KAT2B: variants seen among roughly 807,000 people sequenced by gnomAD.
The protein encoded by KAT2B is histone acetyltransferase KAT2B.
In KAT2B, 36 loss-of-function variants were observed where a neutral mutation model predicts 105.9. The ratio of observed to expected loss-of-function variants is 0.34; its 90% CI spans 0.26 to 0.45. The LOEUF is 0.45. Ranked by LOEUF, KAT2B falls within the 20% of genes least tolerant of loss-of-function variation. The pLI is 1.00. For missense variants in KAT2B, 820 were observed against 1,021.6 expected, an observed-to-expected ratio of 0.80 and a Z score of 2.69; for synonymous variants, 397 against 377.9, an observed-to-expected ratio of 1.05 and a Z score of -0.59.
At chr3:20,122,968 C>G (rs956825564) in intron 9 of KAT2B, 164 bp downstream of exon 9, 26 of 984,304 alleles carry the variant, frequency 2.6e-5, no homozygotes, top group Non-Finnish European at 3.1e-5. Flanking sequence ...AACAACTGAT[C>G]AAGAGGTAAT....
At chr3:20,062,134 A>AAATATATAATATATAAT (rs1698129579) in intron 1 of KAT2B, among the ~76,000 whole-genome samples, 1 of 67,530 alleles carries the variant, frequency 1.5e-5, no homozygotes, top group Non-Finnish European at 2.4e-5. Context: ...ATATATATAA[A>AAATATATAATATATAAT]ATATATAATA....
intron 1 of KAT2B, among the ~76,000 whole-genome samples, chr3:20,052,338 C>T (rs151203696): frequency 1.5e-3 from 228 of 152,240 alleles, no homozygotes; most frequent in African/African-American, 5.2e-3. Context: ...CTCCATGAAG[C>T]GGAGATTTGG....
chr3:20,040,536 C>T lies in KAT2B; in HGVS notation c.59C>T (p.Ala20Val), dbSNP rs1386983596. 9.8e-7 allele frequency: 1 copy of T among 1,020,164 alleles called. No homozygotes were observed. The highest frequency in any genetic ancestry group is 1.2e-6 in the Non-Finnish European group (1 of 853,902). The allele number at this position is 1,020,164 out of a possible 1,614,324, so 63.2% of individuals were successfully genotyped here. A position where few individuals can be genotyped will look rare whatever the true frequency, so the allele number is the denominator to read the frequency against. Reference sequence around the variant, plus strand: ...TGCGGGGCAGGAGCCGGGGCAGGGGCCGGGCCCGGGGCGCTGCCCCCGCAG... The same window carrying T: ...TGCGGGGCAGGAGCCGGGGCAGGGGTCGGGCCCGGGGCGCTGCCCCCGCAG... Reference protein sequence around the residue: ...GGCGAGAGAGAGPGALPPQPA... With the variant: ...GGCGAGAGAGVGPGALPPQPA... The change falls in exon 1 of 18, where the codon GCC becomes GTC. Residue 20 changes from alanine to valine, a missense_variant. Physicochemically the swap from Ala to Val is moderately conservative, Grantham distance 64. This residue lies in a region of KAT2B where 190 missense variants were observed against 176.7 expected (regional missense o/e 1.08). Transcript: ENST00000263754.
intron 1 of KAT2B, among the ~76,000 whole-genome samples, chr3:20,042,583 G>A (rs1915921): frequency 0.13 from 19,556 of 152,150 alleles, 1,631 homozygotes; most frequent in Non-Finnish European, 0.19. Context: ...TGGCCTTGGC[G>A]TTTCGCAGCC....
At chr3:20,065,883 C>G (rs377522840) in intron 1 of KAT2B, among the ~76,000 whole-genome samples, 61 of 152,216 alleles carry the variant, frequency 4.0e-4, no homozygotes, top group African/African-American at 1.3e-3. Context: ...GTCTAGTGCA[C>G]CAATATCCAA....
intron 7 of KAT2B, among the ~76,000 whole-genome samples, chr3:20,117,817 A>G (rs997374339): frequency 3.3e-5 from 5 of 152,180 alleles, no homozygotes; most frequent in Admixed American, 3.3e-4. Flanking sequence ...CTCATCAGCT[A>G]CCAGTCAGCA....
At chr3:20,054,587 C>G (rs571692727) in intron 1 of KAT2B, among the ~76,000 whole-genome samples, 5 of 152,310 alleles carry the variant, frequency 3.3e-5, no homozygotes, top group Admixed American at 2.0e-4. Context: ...TAATCAGTCC[C>G]CATGCGTTGT....
chr3:20,144,430 A>G (rs1699749851), intron 13 of KAT2B, among the ~76,000 whole-genome samples: 1 of 150,984 alleles, frequency 6.6e-6, no homozygotes, highest in South Asian at 2.1e-4. Flanking sequence ...CTGGGACTAC[A>G]GGCACCCGCC....
At chr3:20,053,995 G>A (rs1042751449) in intron 1 of KAT2B, among the ~76,000 whole-genome samples, 3 of 152,082 alleles carry the variant, frequency 2.0e-5, no homozygotes, top group Admixed American at 6.5e-5. Flanking sequence ...ATGGGGTCTC[G>A]CCATGTTGGC....
chr3:20,075,157 G>T (rs993179558), intron 2 of KAT2B, among the ~76,000 whole-genome samples: 1 of 151,974 alleles, frequency 6.6e-6, no homozygotes, highest in African/African-American at 2.4e-5. Context: ...CCAGCTACTC[G>T]GGAGGCTGAG....
In KAT2B at chr3:20,125,914, C is replaced by T. The variant is rs1699394445; in HGVS notation, c.1423C>T (p.Leu475=). ...AAMLGPETNF[L]SAHSARDEAA... is the part of the protein sequence containing the mutation. ...GTCTCTTGCATCTCAGACCAATTTT[C>T]TGTCAGCACACTCGGCCAGGGATGA... Residue 475 remains leucine (L), a synonymous_variant, in exon 10 of 18, where the codon CTG becomes TTG. Transcript: ENST00000263754. 6.2e-7 allele frequency: 1 copy of T among 1,613,470 alleles called. No individual in the cohort carries two copies. The highest frequency in any genetic ancestry group is 1.3e-5 in the African/African-American group (1 of 74,906).
chr3:20,062,101 A>T (rs1575110582), intron 1 of KAT2B, among the ~76,000 whole-genome samples: 1 of 55,806 alleles, frequency 1.8e-5, no homozygotes, highest in Non-Finnish European at 3.7e-5. Flanking sequence ...TATAAAACAT[A>T]TAATATATAT....
At chr3:20,079,895 C>T (rs974166617) in intron 2 of KAT2B, among the ~76,000 whole-genome samples, 20 of 152,256 alleles carry the variant, frequency 1.3e-4, no homozygotes, top group African/African-American at 4.8e-4. Context: ...TCGGGCACAG[C>T]AGGAGTTAAG....
intron 11 of KAT2B, among the ~76,000 whole-genome samples, chr3:20,135,786 A>G (rs1384999930): frequency 6.6e-6 from 1 of 152,148 alleles, no homozygotes; most frequent in Non-Finnish European, 1.5e-5. Flanking sequence ...TGTGTGAGAG[A>G]GCATAATCTT....
At chr3:20,071,713 A>G (rs897039832) in intron 1 of KAT2B, among the ~76,000 whole-genome samples, 3 of 152,224 alleles carry the variant, frequency 2.0e-5, no homozygotes, top group African/African-American at 4.8e-5. Context: ...GTTCTAGTAC[A>G]GGAAACCTGG....
intron 5 of KAT2B, among the ~76,000 whole-genome samples, chr3:20,110,782 C>T (rs1699107718): frequency 6.6e-6 from 1 of 152,004 alleles, no homozygotes; most frequent in South Asian, 2.1e-4. Flanking sequence ...AATTAGATGA[C>T]CTGTATTGTC....
At chr3:20,109,195 C>G (rs933008688) in intron 5 of KAT2B, among the ~76,000 whole-genome samples, 1 of 152,108 alleles carries the variant, frequency 6.6e-6, no homozygotes, top group Non-Finnish European at 1.5e-5. Flanking sequence ...CTAAGTCTCA[C>G]GAAATTGAAC....
intron 13 of KAT2B, among the ~76,000 whole-genome samples, chr3:20,144,311 C>T (rs1412829856): frequency 6.3e-5 from 6 of 95,804 alleles, no homozygotes; most frequent in South Asian, 3.3e-4. Flanking sequence ...TTTTTTGAGA[C>T]AGCGTCTCAC....
At chr3:20,079,233 C>G (rs1308406328) in intron 2 of KAT2B, among the ~76,000 whole-genome samples, 1 of 119,708 alleles carries the variant, frequency 8.4e-6, no homozygotes, top group Admixed American at 1.0e-4. Flanking sequence ...GCCACAGAGT[C>G]TGGCTCTGTC....
Sources: allele counts gnomAD v4.1 joint callset (sites outside exome capture counted in the v4.1 genomes callset), GRCh38; gene constraint gnomAD v4.1.1; regional missense constraint gnomAD v4.1.1; transcripts MANE v1.5; gene names NCBI Gene and HGNC (gene_info 2026-07-23, HGNC 2026-07-21).